Variants in SGCD observed in about 807,000 individuals in gnomAD.
The protein encoded by SGCD is delta-sarcoglycan.
A neutral mutation model predicts 36.6 loss-of-function variants in SGCD; 18 were observed. That is an observed-to-expected ratio of 0.49 (90% CI 0.34 to 0.73). The LOEUF (loss-of-function observed/expected upper bound fraction) is 0.73, where lower values mean the gene tolerates loss of function less well. Among genes scored for constraint, SGCD ranks in the 30% least tolerant of loss-of-function variants. The pLI, the probability that SGCD is intolerant of heterozygous loss-of-function variation, is 0.01. For missense variants in SGCD, 387 were observed against 346.7 expected (o/e 1.12, Z -0.92); for synonymous variants, 133 against 130.6 (o/e 1.02, Z -0.12).
chr5:155,880,265 A>G lies in SGCD; in HGVS notation c.-282+9841A>G, dbSNP rs376734197. Among the ~76,000 whole-genome samples, 44 of 152,330 alleles carry G rather than the reference A, an allele frequency of 2.9e-4. 1 individual carries two copies. The highest frequency in any genetic ancestry group is 9.9e-4 in the African/African-American group (41 of 41,580). ...GCTTAGATAGTGCTTGGCACACTGC[A>G]TGGCCCATGGGAATCTCCATAAATG... On this transcript the variant is annotated intron_variant, in intron 1 of 9. Coordinates refer to the SGCD transcript ENST00000517913.
In SGCD at chr5:156,049,891, G is replaced by A. The variant is rs34352664; in HGVS notation, c.-281-67987G>A. Among the ~76,000 whole-genome samples, 146 of 146,568 alleles carry A rather than the reference G, an allele frequency of 1.0e-3. 18 individuals carry two copies. The highest frequency in any genetic ancestry group is 1.8e-3 in the Non-Finnish European group (115 of 64,942). On this transcript the variant is annotated intron_variant, in intron 1 of 9. Transcript: ENST00000517913. ...CCAGAGAACTGGAATTAGAAGTAGA[G>A]CCTGGAGCTGTGACTGAAGTGCTGA...
At chr5:155,916,684 G>A (rs1580989351) in intron 1 of SGCD, among the ~76,000 whole-genome samples, 1 of 152,318 alleles carries the variant, frequency 6.6e-6, no homozygotes, top group South Asian at 2.1e-4. Flanking sequence ...AGTCTCAGAA[G>A]TGTATCAGAT....
chr5:155,803,546 C>A, the SGCD span, among the ~76,000 whole-genome samples: 1 of 152,058 alleles, frequency 6.6e-6, no homozygotes, highest in Non-Finnish European at 1.5e-5. Context: ...GGAAAAGGAG[C>A]CTGGGAGATG....
chr5:156,435,907 T>C (rs1753221347), intron 3 of SGCD, among the ~76,000 whole-genome samples: 1 of 152,188 alleles, frequency 6.6e-6, no homozygotes, highest in South Asian at 2.1e-4. Flanking sequence ...CTGTCCAAGA[T>C]GCTGTTTGCC....
intron 1 of SGCD, among the ~76,000 whole-genome samples, chr5:155,888,173 A>C (rs1756048483): frequency 6.6e-6 from 1 of 152,176 alleles, no homozygotes; most frequent in Admixed American, 6.5e-5. Context: ...TTCTGATCTT[A>C]AGGCAGTTTC....
chr5:156,563,371 C>T (rs140306483), intron 4 of SGCD, among the ~76,000 whole-genome samples: 75 of 152,104 alleles, frequency 4.9e-4, no homozygotes, highest in African/African-American at 1.4e-3. Context: ...ACTTTTTAAC[C>T]GATAATTAGT....
chr5:156,378,836 A>G (rs998332826), intron 3 of SGCD, among the ~76,000 whole-genome samples: 3 of 152,196 alleles, frequency 2.0e-5, no homozygotes, highest in Non-Finnish European at 4.4e-5. Context: ...CAAAATGTAT[A>G]GAGTTCTGTA....
chr5:156,069,395 G>T (rs940600705), intron 1 of SGCD, among the ~76,000 whole-genome samples: 7 of 152,030 alleles, frequency 4.6e-5, no homozygotes, highest in Non-Finnish European at 7.3e-5. Context: ...TTTCCCCATT[G>T]CTTGTTTTTC....
intron 4 of SGCD, among the ~76,000 whole-genome samples, chr5:156,585,798 C>A (rs1475263518): frequency 6.6e-6 from 1 of 152,102 alleles, no homozygotes; most frequent in Non-Finnish European, 1.5e-5. Flanking sequence ...GGGGCCTTTC[C>A]AAGGTCTCTT....
intron 3 of SGCD, among the ~76,000 whole-genome samples, chr5:156,478,023 A>AGTGG (rs1487990216): frequency 6.6e-6 from 1 of 152,026 alleles, no homozygotes; most frequent in East Asian, 1.9e-4. Flanking sequence ...AAATCCTGGG[A>AGTGG]GAACAATCAG....
the SGCD span, among the ~76,000 whole-genome samples, chr5:155,811,561 C>A: frequency 1.1e-4 from 17 of 152,242 alleles, no homozygotes; most frequent in African/African-American, 3.6e-4. Context: ...ACACGAAAAA[C>A]CAAAAATAAG....
chr5:156,302,327 G>C (rs967624839), intron 3 of SGCD, among the ~76,000 whole-genome samples: 1 of 151,780 alleles, frequency 6.6e-6, no homozygotes, highest in Non-Finnish European at 1.5e-5. Context: ...TACATCAATT[G>C]AATTTTTCAG....
At chr5:155,765,528 ATCT>A in the SGCD span, among the ~76,000 whole-genome samples, 1 of 152,120 alleles carries the variant, frequency 6.6e-6, no homozygotes, top group African/African-American at 2.4e-5. Flanking sequence ...ATCTAATATA[ATCT>A]TCTACAGAGA....
At chr5:155,993,689 C>T (rs745783232) in intron 1 of SGCD, among the ~76,000 whole-genome samples, 2 of 152,122 alleles carry the variant, frequency 1.3e-5, no homozygotes, top group African/African-American at 2.4e-5. Flanking sequence ...TTCACTTACA[C>T]GTCTAGTAGT....
At chr5:156,512,796 T>A (rs1757001118) in intron 4 of SGCD, among the ~76,000 whole-genome samples, 1 of 152,212 alleles carries the variant, frequency 6.6e-6, no homozygotes, top group African/African-American at 2.4e-5. Context: ...TCCACACCCA[T>A]GTGCATTTCC....
chr5:156,525,380 A>G (rs1184950126), intron 4 of SGCD, among the ~76,000 whole-genome samples: 2 of 152,060 alleles, frequency 1.3e-5, no homozygotes, highest in East Asian at 3.8e-4. Context: ...TCTTTGGAAA[A>G]AGGTTTATTC....
intron 6 of SGCD, among the ~76,000 whole-genome samples, chr5:156,612,889 C>T (rs1761880603): frequency 6.6e-6 from 1 of 152,176 alleles, no homozygotes; most frequent in Admixed American, 6.5e-5. Flanking sequence ...ACTCAACTCC[C>T]CAAATTGCAT....
chr5:155,840,222 A>G, the SGCD span, among the ~76,000 whole-genome samples: 1 of 150,104 alleles, frequency 6.7e-6, no homozygotes, highest in Non-Finnish European at 1.5e-5. Flanking sequence ...ATCCTCCCTC[A>G]AGGTGGGTTT....
rs186342313 is a variant in SGCD at position 156,619,688 on chromosome 5, T to C, written c.502+24637T>C. On this transcript the variant is annotated intron_variant, in intron 6 of 8. Coordinates refer to ENST00000337851, the MANE Select transcript of SGCD (RefSeq NM_000337.6). ...GGGGAATGTTGGTATTCCACCGTGA[T>C]ACCAGGAATTTAATGAGATGACAAT... is the stretch of plus-strand genomic sequence containing the variant. 2.6e-5 allele frequency among the ~76,000 whole-genome samples: 4 copies of C among 152,340 alleles called. No individual in the cohort carries two copies. The East Asian group carries it at 7.7e-4, about 29-fold the overall frequency.
Sources: allele counts gnomAD v4.1 joint callset (sites outside exome capture counted in the v4.1 genomes callset), GRCh38; gene constraint gnomAD v4.1.1; transcripts MANE v1.5; gene names NCBI Gene and HGNC (gene_info 2026-07-23, HGNC 2026-07-21).